Variants in MAF observed in about 807,000 individuals in gnomAD.
MAF encodes the protein MAF bZIP transcription factor.
Under a neutral mutation model 22.0 loss-of-function variants are expected in MAF, and 10 were observed. The ratio of observed to expected loss-of-function variants is 0.45; its 90% CI spans 0.28 to 0.77. MAF has a LOEUF of 0.77. Among genes scored for constraint, MAF ranks in the 30% least tolerant of loss-of-function variants. The pLI, the probability that MAF is intolerant of heterozygous loss-of-function variation, is 0.12. For synonymous variants in MAF, 337 were observed against 255.8 expected, an observed-to-expected ratio of 1.32 and a Z score of -3.03; for missense variants, 544 against 548.4, an observed-to-expected ratio of 0.99 and a Z score of 0.08.
chr16:79,285,145 G>A, the MAF span, among the ~76,000 whole-genome samples: 1 of 152,072 alleles, frequency 6.6e-6, no homozygotes, highest in Non-Finnish European at 1.5e-5. Flanking sequence ...AATTCCTTGA[G>A]GGATGCCTGG....
the MAF span, among the ~76,000 whole-genome samples, chr16:79,427,927 T>A: frequency 1.3e-5 from 2 of 151,732 alleles, no homozygotes. Context: ...AATGAATAAA[T>A]GAATGGAGTG....
At chr16:79,225,809 C>G in the MAF span, among the ~76,000 whole-genome samples, 1 of 152,184 alleles carries the variant, frequency 6.6e-6, no homozygotes, top group Non-Finnish European at 1.5e-5. Flanking sequence ...TAGAGAAATG[C>G]AAATCACAAA....
the MAF span, among the ~76,000 whole-genome samples, chr16:79,318,164 G>T: frequency 2.6e-5 from 4 of 152,158 alleles, no homozygotes; most frequent in African/African-American, 9.7e-5. Flanking sequence ...AGGACAGATT[G>T]GTCCTTGCCT....
At chr16:79,323,186 A>AAAAAAAAAAG in the MAF span, among the ~76,000 whole-genome samples, 1 of 135,732 alleles carries the variant, frequency 7.4e-6, no homozygotes, top group Non-Finnish European at 1.6e-5. Context: ...AAAAAAAAAA[A>AAAAAAAAAAG]GGCAAATGGG....
chr16:79,268,546 T>C, the MAF span, among the ~76,000 whole-genome samples: 1 of 152,208 alleles, frequency 6.6e-6, no homozygotes, highest in Non-Finnish European at 1.5e-5. Flanking sequence ...GTAGCCACAT[T>C]TCTGTAGTCG....
the MAF span, among the ~76,000 whole-genome samples, chr16:79,454,735 A>C: frequency 3.3e-5 from 5 of 151,662 alleles, no homozygotes; most frequent in Non-Finnish European, 5.9e-5. Flanking sequence ...CAGCATGGTG[A>C]CCTGGAGAGG....
the MAF span, among the ~76,000 whole-genome samples, chr16:79,247,180 G>A: frequency 6.6e-6 from 1 of 152,208 alleles, no homozygotes; most frequent in Non-Finnish European, 1.5e-5. Context: ...AGTCCTGCCT[G>A]GTGAGCAAAT....
At chr16:79,222,669 G>C in the MAF span, among the ~76,000 whole-genome samples, 1 of 151,950 alleles carries the variant, frequency 6.6e-6, no homozygotes, top group Non-Finnish European at 1.5e-5. Context: ...TCAAAATAAA[G>C]AGATACAGGA....
At chr16:79,357,406 G>C in the MAF span, among the ~76,000 whole-genome samples, 37 of 152,242 alleles carry the variant, frequency 2.4e-4, no homozygotes, top group African/African-American at 8.7e-4. Context: ...GCCAACAGTT[G>C]GGGCAACAGA....
At chr16:79,321,485 G>A in the MAF span, among the ~76,000 whole-genome samples, 6 of 152,142 alleles carry the variant, frequency 3.9e-5, no homozygotes, top group Non-Finnish European at 4.4e-5. Context: ...GTCAGTGACA[G>A]CTTCACAGAA....
chr16:79,414,013 G>C, the MAF span, among the ~76,000 whole-genome samples: 1 of 152,192 alleles, frequency 6.6e-6, no homozygotes, highest in South Asian at 2.1e-4. Context: ...TCAGCTGTCT[G>C]AGCTCACAAA....
chr16:79,229,391 AAG>A, the MAF span: 1 of 151,814 alleles, frequency 6.6e-6, no homozygotes, highest in East Asian at 1.9e-4. Flanking sequence ...TGGTCTTTTA[AAG>A]AGCTTTCCCT....
At chr16:79,284,259 T>C in the MAF span, among the ~76,000 whole-genome samples, 1 of 152,184 alleles carries the variant, frequency 6.6e-6, no homozygotes, top group Admixed American at 6.5e-5. Flanking sequence ...GGTCTTGATA[T>C]GAAAGATGTT....
chr16:79,375,494 T>C, the MAF span, among the ~76,000 whole-genome samples: 10 of 152,152 alleles, frequency 6.6e-5, no homozygotes, highest in Non-Finnish European at 1.2e-4. Context: ...ATGAAGATAA[T>C]GATGGTGATG....
chr16:79,547,780 A>G, the MAF span, among the ~76,000 whole-genome samples: 1 of 152,114 alleles, frequency 6.6e-6, no homozygotes, highest in Non-Finnish European at 1.5e-5. Flanking sequence ...AATAAGTCCA[A>G]TACTGGATAT....
In MAF at chr16:79,593,872, G is replaced by A; in HGVS notation, c.*588C>T. On this transcript the variant is annotated 3_prime_UTR_variant, in exon 2 of 2. Transcript: ENST00000326043. The stretch of plus-strand genomic sequence containing the variant: ...CTAACTTTGTATTTTGCCACACATT[G>A]TTTTCATTTACAGCTATGTCTGACA... 5.4e-6 allele frequency: 1 copy of A among 186,412 alleles called. No homozygotes were observed. Among genetic ancestry groups the A allele is most frequent in the East Asian group, 8.6e-5 (1 of 11,610 alleles). 11.5% of individuals were successfully genotyped at this position (186,412 alleles called of 1,614,324 possible).
chr16:79,533,632 G>A, the MAF span, among the ~76,000 whole-genome samples: 1 of 152,062 alleles, frequency 6.6e-6, no homozygotes, highest in East Asian at 1.9e-4. Context: ...TTGTCCGGAG[G>A]TAGGAATTCC....
At chr16:79,436,219 A>G in the MAF span, among the ~76,000 whole-genome samples, 1 of 152,096 alleles carries the variant, frequency 6.6e-6, no homozygotes, top group Non-Finnish European at 1.5e-5. Context: ...ACCAGCTGGG[A>G]CTACAGGTGC....
chr16:79,303,160 G>A, the MAF span, among the ~76,000 whole-genome samples: 50 of 152,308 alleles, frequency 3.3e-4, 1 homozygote, highest in Non-Finnish European at 8.8e-5. Flanking sequence ...GCACTGTGGA[G>A]GAAGGCTGAT....
Sources: gnomAD v4.1 joint callset for allele counts (sites outside exome capture counted in the v4.1 genomes callset) on GRCh38, gnomAD v4.1.1 for gene constraint, MANE v1.5 for transcripts, NCBI Gene and HGNC (gene_info 2026-07-23, HGNC 2026-07-21) for gene names.